The following SYNDIG1 variants were observed in gnomAD, a reference collection of about 807,000 sequenced individuals.
SYNDIG1 encodes the protein synapse differentiation inducing 1, also known as synapse differentiation-inducing gene protein 1.
Under a neutral mutation model 19.4 loss-of-function variants are expected in SYNDIG1, and 9 were observed. That is an observed-to-expected ratio of 0.46 (90% CI 0.28 to 0.81). The LOEUF (loss-of-function observed/expected upper bound fraction) is 0.81, where lower values mean the gene tolerates loss of function less well. SYNDIG1 is among the 30% of genes least tolerant of loss of function. SYNDIG1 has a pLI of 0.12. For synonymous variants in SYNDIG1, 141 were observed against 145.9 expected, an observed-to-expected ratio of 0.97 and a Z score of 0.24; for missense variants, 311 against 343.3, an observed-to-expected ratio of 0.91 and a Z score of 0.74.
At chr20:24,611,321 C>A (rs1422508050) in intron 3 of SYNDIG1, among the ~76,000 whole-genome samples, 1 of 152,112 alleles carries the variant, frequency 6.6e-6, no homozygotes, top group Non-Finnish European at 1.5e-5. Flanking sequence ...TGTTTTCATA[C>A]CTCCCTTTTC....
At chr20:24,642,029 A>C (rs1025897138) in intron 3 of SYNDIG1, among the ~76,000 whole-genome samples, 2 of 152,248 alleles carry the variant, frequency 1.3e-5, no homozygotes, top group African/African-American at 4.8e-5. Context: ...TAAACAAAAA[A>C]CAAAAAGAAC....
chr20:24,531,702 C>T (rs1465942754), intron 1 of SYNDIG1, among the ~76,000 whole-genome samples: 2 of 152,092 alleles, frequency 1.3e-5, no homozygotes, highest in East Asian at 3.9e-4. Context: ...AACTCTGTCA[C>T]TTTTACAATG....
intron 2 of SYNDIG1, among the ~76,000 whole-genome samples, chr20:24,559,582 T>A (rs551072671): frequency 6.6e-6 from 1 of 152,352 alleles, no homozygotes; most frequent in East Asian, 1.9e-4. Context: ...CTCCGTCTTT[T>A]CCTGTGAATT....
At chr20:24,580,874 G>A (rs1341046221) in intron 2 of SYNDIG1, among the ~76,000 whole-genome samples, 1 of 152,204 alleles carries the variant, frequency 6.6e-6, no homozygotes, top group Non-Finnish European at 1.5e-5. Flanking sequence ...TGGGGACTGT[G>A]TAATGCTAAA....
intron 1 of SYNDIG1, among the ~76,000 whole-genome samples, chr20:24,500,534 T>TTTCTTCTTTCTTTC (rs1555786870): frequency 3.5e-5 from 5 of 142,732 alleles, no homozygotes; most frequent in African/African-American, 1.4e-4. Flanking sequence ...TTCTTTCTTC[T>TTTCTTCTTTCTTTC]TTCTTTCTTT....
At chr20:24,585,034 TCA>T in intron 3 of SYNDIG1, 41 bp downstream of exon 3, 2 of 716,680 alleles carry the variant, frequency 2.8e-6, no homozygotes, top group Non-Finnish European at 4.2e-6. Context: ...GTGCAGGTGT[TCA>T]CAGGGTGGGG....
intron 3 of SYNDIG1, among the ~76,000 whole-genome samples, chr20:24,598,499 G>A (rs2058630179): frequency 6.6e-6 from 1 of 152,258 alleles, no homozygotes; most frequent in Non-Finnish European, 1.5e-5. Context: ...AAGTGAGGAA[G>A]TCAGCACCCA....
At chr20:24,578,805 G>A (rs2146985893) in intron 2 of SYNDIG1, among the ~76,000 whole-genome samples, 1 of 152,346 alleles carries the variant, frequency 6.6e-6, no homozygotes, top group South Asian at 2.1e-4. Flanking sequence ...CGAGACTGCT[G>A]TGAGCGCAAG....
At chr20:24,637,696 C>T (rs1045025902) in intron 3 of SYNDIG1, among the ~76,000 whole-genome samples, 4 of 152,220 alleles carry the variant, frequency 2.6e-5, no homozygotes, top group Admixed American at 6.5e-5. Flanking sequence ...AGAGCAGGTG[C>T]TCTGCCAGCA....
intron 2 of SYNDIG1, among the ~76,000 whole-genome samples, chr20:24,571,891 CT>C (rs1395243841): frequency 6.6e-6 from 1 of 152,160 alleles, no homozygotes; most frequent in Non-Finnish European, 1.5e-5. Context: ...ATCTGAGCTC[CT>C]TCTTCAAGAG....
intron 3 of SYNDIG1, among the ~76,000 whole-genome samples, chr20:24,626,478 G>C (rs1267215663): frequency 6.6e-6 from 1 of 152,002 alleles, no homozygotes; most frequent in Admixed American, 6.5e-5. Context: ...TCAGACGATG[G>C]GCGGCCGGGC....
At chr20:24,598,781 G>C (rs1249915019) in intron 3 of SYNDIG1, among the ~76,000 whole-genome samples, 4 of 152,164 alleles carry the variant, frequency 2.6e-5, no homozygotes, top group Admixed American at 6.5e-5. Flanking sequence ...GGTCAGTTTT[G>C]TGATTTTAAA....
At chr20:24,553,149 A>T (rs1316450246) in intron 2 of SYNDIG1, among the ~76,000 whole-genome samples, 11 of 151,040 alleles carry the variant, frequency 7.3e-5, no homozygotes, top group Non-Finnish European at 1.6e-4. Context: ...CCACTTTTTG[A>T]TGGGGTTGTT....
At chr20:24,650,775 ACAGCTCACTT>A in intron 3 of SYNDIG1, among the ~76,000 whole-genome samples, 2 of 152,328 alleles carry the variant, frequency 1.3e-5, no homozygotes, top group South Asian at 4.1e-4. Context: ...TGTACTTCTT[ACAGCTCACTT>A]CTGGCTCCCA....
intron 1 of SYNDIG1, among the ~76,000 whole-genome samples, chr20:24,526,700 T>G (rs2057131916): frequency 6.6e-6 from 1 of 152,218 alleles, no homozygotes; most frequent in Non-Finnish European, 1.5e-5. Context: ...TTATTTTTCT[T>G]CTTCCTAAAG....
intron 3 of SYNDIG1, among the ~76,000 whole-genome samples, chr20:24,602,074 C>T (rs1032666371): frequency 1.3e-5 from 2 of 151,998 alleles, no homozygotes; most frequent in African/African-American, 4.8e-5. Flanking sequence ...TTTCAATCAC[C>T]TGCCAACACT....
intron 3 of SYNDIG1, among the ~76,000 whole-genome samples, chr20:24,589,812 G>T (rs1443093881): frequency 6.6e-6 from 1 of 152,200 alleles, no homozygotes; most frequent in Non-Finnish European, 1.5e-5. Flanking sequence ...CCAGCAAAGG[G>T]AATTGGGCAA....
At chr20:24,636,613 C>T (rs1384378530) in intron 3 of SYNDIG1, among the ~76,000 whole-genome samples, 1 of 152,216 alleles carries the variant, frequency 6.6e-6, no homozygotes, top group African/African-American at 2.4e-5. Context: ...CTGCTCCTTA[C>T]TGTGCACGTG....
intron 1 of SYNDIG1, among the ~76,000 whole-genome samples, chr20:24,539,760 GTGTTT>G (rs2057432853): frequency 8.9e-6 from 1 of 112,918 alleles, no homozygotes; most frequent in Non-Finnish European, 1.9e-5. Context: ...TTTTTCAGCA[GTGTTT>G]TGTTTGTTTG....
Sources: allele counts gnomAD v4.1 joint callset (sites outside exome capture counted in the v4.1 genomes callset), GRCh38; gene constraint gnomAD v4.1.1; transcripts MANE v1.5; gene names NCBI Gene and HGNC (gene_info 2026-07-23, HGNC 2026-07-21).